Variants in SLC12A8 observed in about 807,000 individuals in gnomAD.
The protein encoded by SLC12A8 is cation-chloride cotransporter 9.
SLC12A8 carries 69 observed loss-of-function variants against 75.6 expected under a neutral mutation model. That is an observed-to-expected ratio of 0.91 (90% confidence interval 0.75 to 1.11). The LOEUF (loss-of-function observed/expected upper bound fraction) is 1.11, where lower values mean the gene tolerates loss of function less well. Ranked by LOEUF, SLC12A8 falls within the 50% of genes most tolerant of loss-of-function variation. The probability of loss-of-function intolerance (pLI) is 0.00; values close to 1 mark genes in which losing one functional copy is unlikely to be tolerated. For missense variants in SLC12A8, 877 were observed against 896.7 expected (o/e 0.98, Z 0.28); for synonymous variants, 365 against 372.8 (o/e 0.98, Z 0.24).
intron 8 of SLC12A8, 65 bp downstream of exon 8, chr3:125,118,704 G>C (rs1383811906): frequency 4.1e-6 from 5 of 1,212,890 alleles, no homozygotes; most frequent in Non-Finnish European, 6.0e-6. Flanking sequence ...GTGGCCATTT[G>C]TTGGTGAGAA....
At chr3:125,150,383 G>C (rs997841773) in intron 5 of SLC12A8, among the ~76,000 whole-genome samples, 19 of 152,106 alleles carry the variant, frequency 1.2e-4, no homozygotes, top group African/African-American at 3.6e-4. Flanking sequence ...CGCAGTAAGG[G>C]GCCTGTCAAA....
intron 8 of SLC12A8, among the ~76,000 whole-genome samples, chr3:125,113,881 T>C (rs1712466): frequency 1 from 152,250 of 152,256 alleles, 76,122 homozygotes; most frequent in Middle Eastern, 1. Flanking sequence ...TGAGGGACTC[T>C]GCTCATTCAT....
chr3:125,173,310 A>G (rs141115148), intron 5 of SLC12A8, among the ~76,000 whole-genome samples: 13 of 152,278 alleles, frequency 8.5e-5, no homozygotes, highest in Middle Eastern at 3.4e-3. Context: ...AGAATAGACA[A>G]ACAGAGCAAT....
chr3:125,192,944 G>A (rs968040080), intron 2 of SLC12A8, among the ~76,000 whole-genome samples: 3 of 152,184 alleles, frequency 2.0e-5, no homozygotes, highest in Non-Finnish European at 4.4e-5. Context: ...GAGAAAGAAG[G>A]AAAAGGACGA....
chr3:125,084,471 A>G (rs187208026), intron 13 of SLC12A8, among the ~76,000 whole-genome samples: 20 of 152,296 alleles, frequency 1.3e-4, no homozygotes, highest in South Asian at 2.1e-4. Context: ...GTCTATTGAA[A>G]AGAAAGTTGA....
intron 8 of SLC12A8, 91 bp from the exon 9 acceptor site, chr3:125,110,426 A>G: frequency 7.7e-7 from 1 of 1,303,556 alleles, no homozygotes; most frequent in Non-Finnish European, 1.1e-6. Context: ...ACCCCATGCA[A>G]TCATCCACTG....
chr3:125,084,823 C>T (rs1292533856), intron 13 of SLC12A8, among the ~76,000 whole-genome samples: 2 of 152,168 alleles, frequency 1.3e-5, no homozygotes, highest in Admixed American at 6.5e-5. Context: ...CTCATCTTCC[C>T]GGGTCTCTTC....
chr3:125,142,121 C>CA, intron 5 of SLC12A8, among the ~76,000 whole-genome samples: 1 of 152,354 alleles, frequency 6.6e-6, no homozygotes, highest in African/African-American at 2.4e-5. Context: ...GACGCGGCCT[C>CA]ACGGAGACGG....
intron 10 of SLC12A8, among the ~76,000 whole-genome samples, chr3:125,100,453 G>C (rs910855195): frequency 2.0e-5 from 3 of 151,496 alleles, no homozygotes; most frequent in African/African-American, 7.3e-5. Context: ...TATTGCCCAG[G>C]CTGGAGTGCA....
In SLC12A8 at chr3:125,084,019, C is replaced by G. The variant is rs761507923; in HGVS notation, c.2016G>C (p.Leu672Phe). Residue 672 changes from leucine to phenylalanine, a missense_variant, in exon 14 of 14, where the codon TTG becomes TTC. Transcript: ENST00000469902. Reference protein sequence around the residue: ...SLRSPQEQIILAPSLAKVDME... With the variant: ...SLRSPQEQIIFAPSLAKVDME... ...TGTCAACCTTAGCCAGGGACGGCGCCAAGATGATCTGCTCCTGAGGGGACC... is the reference window on the plus strand; with the variant it reads ...TGTCAACCTTAGCCAGGGACGGCGCGAAGATGATCTGCTCCTGAGGGGACC... 1.9e-6 allele frequency: 3 copies of G among 1,612,862 alleles called. No individual in the cohort carries two copies. The highest frequency in any genetic ancestry group is 2.5e-6 in the Non-Finnish European group (3 of 1,179,626).
intron 4 of SLC12A8, among the ~76,000 whole-genome samples, chr3:125,185,277 G>A (rs1416610949): frequency 6.6e-6 from 1 of 151,438 alleles, no homozygotes; most frequent in Non-Finnish European, 1.5e-5. Flanking sequence ...CCGAGATCAC[G>A]CCATTGCACA....
At chr3:125,162,785 C>T (rs969947338) in intron 5 of SLC12A8, among the ~76,000 whole-genome samples, 2 of 152,162 alleles carry the variant, frequency 1.3e-5, no homozygotes, top group Non-Finnish European at 2.9e-5. Context: ...AACTAACATA[C>T]ATAATGGTGA....
At chr3:125,150,701 G>T (rs1933899089) in intron 5 of SLC12A8, among the ~76,000 whole-genome samples, 1 of 152,154 alleles carries the variant, frequency 6.6e-6, no homozygotes, top group South Asian at 2.1e-4. Context: ...TCCTTGCAGT[G>T]CGATTCTTGT....
At position 125,100,963 on chromosome 3, in the gene SLC12A8, A is replaced by G. The variant is rs540938260; in HGVS notation, c.1705+6518T>C. Reference sequence around the variant, plus strand: ...GGGAAGCGGAGCTTGCAGTGAGCCGAGATTGCGCCACTGCAGTCCGCAGTC... The same window carrying G: ...GGGAAGCGGAGCTTGCAGTGAGCCGGGATTGCGCCACTGCAGTCCGCAGTC... On this transcript the variant is annotated intron_variant, in intron 10 of 13. Coordinates refer to ENST00000469902, the MANE Select transcript of SLC12A8 (RefSeq NM_024628.6). 5.0e-3 allele frequency among the ~76,000 whole-genome samples: 686 copies of G among 137,594 alleles called. 8 individuals are homozygous for G. Among genetic ancestry groups the G allele is most frequent in the Middle Eastern group, 0.012 (3 of 256 alleles). The allele number at this position is 137,594 out of a possible 152,430, so 90.3% of individuals were successfully genotyped here. A position where few individuals can be genotyped will look rare whatever the true frequency, so the allele number is the denominator to read the frequency against.
In SLC12A8 at chr3:125,083,102, C is replaced by A. The variant is rs1023344022; in HGVS notation, c.*788G>T. On this transcript the variant is annotated 3_prime_UTR_variant, in exon 14 of 14. Coordinates refer to ENST00000469902, the MANE Select transcript of SLC12A8 (RefSeq NM_024628.6). ...ACCTCTAGGCCAGGGTAGACAGGAACTGAGCAGGTGGAGAATAAGGATTGG... is the reference window on the plus strand; with the variant it reads ...ACCTCTAGGCCAGGGTAGACAGGAAATGAGCAGGTGGAGAATAAGGATTGG... 2.0e-5 allele frequency: 3 copies of A among 152,202 alleles called. No individual in the cohort carries two copies. The highest frequency in any genetic ancestry group is 7.2e-5 in the African/African-American group (3 of 41,448). The allele number at this position is 152,202 out of a possible 1,614,324, so 9.4% of individuals were successfully genotyped here.
chr3:125,084,048 A>G lies in SLC12A8; in HGVS notation c.1987T>C (p.Leu663=), dbSNP rs199682098. 14 of 1,610,194 alleles carry G rather than the reference A, an allele frequency of 8.7e-6. No individual in the cohort carries two copies. The highest frequency in any genetic ancestry group is 1.2e-5 in the Non-Finnish European group (14 of 1,178,260). The stretch of plus-strand genomic sequence containing the variant: ...ATGATCTGCTCCTGAGGGGACCGCA[A>G]GCTCCTGCAGTGAGAGAGACACAGA... ...RSLLLPSCRS[L]RSPQEQIILA... The change falls in exon 14 of 14, where the codon TTG becomes CTG. Residue 663 remains leucine, a synonymous_variant. Coordinates refer to ENST00000469902, the MANE Select transcript of SLC12A8 (RefSeq NM_024628.6).
chr3:125,170,039 A>C (rs956929321), intron 5 of SLC12A8, among the ~76,000 whole-genome samples: 1 of 152,176 alleles, frequency 6.6e-6, no homozygotes, highest in African/African-American at 2.4e-5. Flanking sequence ...GGAATAAAAT[A>C]CAAAAAAAAA....
chr3:125,138,307 G>A (rs888939403), intron 5 of SLC12A8, among the ~76,000 whole-genome samples: 5 of 152,108 alleles, frequency 3.3e-5, no homozygotes, highest in Admixed American at 6.5e-5. Flanking sequence ...AGGCTGAGGC[G>A]AGAGGATTGC....
At chr3:125,114,219 C>G (rs551565128) in intron 8 of SLC12A8, among the ~76,000 whole-genome samples, 1 of 152,146 alleles carries the variant, frequency 6.6e-6, no homozygotes, top group African/African-American at 2.4e-5. Flanking sequence ...ACTGTGTCCA[C>G]GATGGAGGGC....
Sources: allele counts gnomAD v4.1 joint callset (sites outside exome capture counted in the v4.1 genomes callset), GRCh38; gene constraint gnomAD v4.1.1; transcripts MANE v1.5; gene names NCBI Gene and HGNC (gene_info 2026-07-23, HGNC 2026-07-21).